The following C5orf34 variants were observed in gnomAD, a reference collection of about 807,000 sequenced individuals.
C5orf34 encodes the protein chromosome 5 open reading frame 34, also known as uncharacterized protein C5orf34.
Under a neutral mutation model 78.4 loss-of-function variants are expected in C5orf34, and 73 were observed. That is an observed-to-expected ratio of 0.93 (90% CI 0.77 to 1.13). The LOEUF is 1.13. Among genes scored for constraint, C5orf34 ranks in the 50% most tolerant of loss-of-function variants. The pLI, the probability that C5orf34 is intolerant of heterozygous loss-of-function variation, is 0.00. For missense variants in C5orf34, 730 were observed against 732.7 expected (o/e 1.00, Z 0.04); for synonymous variants, 251 against 246.6 (o/e 1.02, Z -0.17).
intron 1 of C5orf34, among the ~76,000 whole-genome samples, chr5:43,513,741 T>C (rs1463729822): frequency 6.6e-6 from 1 of 152,218 alleles, no homozygotes; most frequent in Admixed American, 6.5e-5. Context: ...TGGTTCTTTA[T>C]CATCATCAAG....
At position 43,508,670 on chromosome 5, in the gene C5orf34, T is replaced by C; in HGVS notation, c.196-4A>G. Reference sequence around the variant, plus strand: ...CTAGGGCTCGCTGTAGTTGCTCCTATGAAAAGAAATATAAAATGTAACCTT... The same window carrying C: ...CTAGGGCTCGCTGTAGTTGCTCCTACGAAAAGAAATATAAAATGTAACCTT... On this transcript the variant is annotated splice_polypyrimidine_tract_variant and splice_region_variant and intron_variant, in intron 2 of 12. Coordinates refer to ENST00000306862, the MANE Select transcript of C5orf34 (RefSeq NM_198566.4). 1.3e-6 allele frequency: 2 copies of C among 1,544,600 alleles called. No individual in the cohort carries two copies. Among genetic ancestry groups the C allele is most frequent in the Non-Finnish European group, 1.8e-6 (2 of 1,119,554 alleles).
In C5orf34 at chr5:43,491,069, A is replaced by G. The variant is rs1745260685; in HGVS notation, c.1581-340T>C. Among the ~76,000 whole-genome samples, 5 of 152,194 alleles carry G rather than the reference A, an allele frequency of 3.3e-5. 1 individual carries two copies. In the South Asian group the frequency reaches 1.0e-3, roughly 31 times the overall value. On this transcript the variant is annotated intron_variant, in intron 10 of 12. Transcript: ENST00000306862. Reference sequence around the variant, plus strand: ...TCAAAGTAAAATGCGTTTAAGTTTTATCAAAAAATATTCACACAAAATAAG... The same window carrying G: ...TCAAAGTAAAATGCGTTTAAGTTTTGTCAAAAAATATTCACACAAAATAAG...
In C5orf34 at chr5:43,492,849, C is replaced by G. The variant is rs374353571; in HGVS notation, c.1356G>C (p.Leu452Phe). ...CCACACTGGGTATGAGTGACTCTTT[C>G]AAAACCAAAGGCAGTATATTGCTAT... Reference protein sequence around the residue: ...INDSNILPLVLKESLIPSVGR... With the variant: ...INDSNILPLVFKESLIPSVGR... The change falls in exon 9 of 13, where the codon TTG becomes TTC. Residue 452 changes from leucine (L) to phenylalanine (F), a missense_variant. By Grantham distance (22) the Leu-to-Phe change is conservative. Transcript: ENST00000306862. 1 of 1,610,714 alleles carries G rather than the reference C, an allele frequency of 6.2e-7. No homozygotes were observed. The highest frequency in any genetic ancestry group is 1.3e-5 in the African/African-American group (1 of 74,918).
intron 6 of C5orf34, among the ~76,000 whole-genome samples, chr5:43,498,602 G>A (rs911015139): frequency 7.2e-5 from 11 of 152,078 alleles, no homozygotes; most frequent in African/African-American, 9.7e-5. Flanking sequence ...CATCCTCAGC[G>A]TCCAGTCAGC....
chr5:43,505,087 A>G (rs1412340710), intron 4 of C5orf34, among the ~76,000 whole-genome samples: 1 of 152,248 alleles, frequency 6.6e-6, no homozygotes, highest in Non-Finnish European at 1.5e-5. Flanking sequence ...GTGAAGTCCA[A>G]CAGTACCTGG....
chr5:43,500,260 G>C (rs567130958), intron 6 of C5orf34, among the ~76,000 whole-genome samples: 2 of 151,866 alleles, frequency 1.3e-5, no homozygotes. Context: ...TCTTTTCTAT[G>C]GCTAAATCCA....
intron 6 of C5orf34, among the ~76,000 whole-genome samples, chr5:43,496,780 C>G (rs921609987): frequency 6.6e-6 from 1 of 151,580 alleles, no homozygotes; most frequent in Admixed American, 6.6e-5. Context: ...GAGGCGAGGT[C>G]TTACTATATT....
At chr5:43,495,561 T>C in intron 6 of C5orf34, 1 of 1,612,366 alleles carries the variant, frequency 6.2e-7, no homozygotes, top group Non-Finnish European at 8.5e-7. Flanking sequence ...AGAGCTTCAC[T>C]CAAAGCTTCA....
At chr5:43,490,479 A>C in intron 11 of C5orf34, 152 bp downstream of exon 11, 1 of 530,280 alleles carries the variant, frequency 1.9e-6, no homozygotes, top group Non-Finnish European at 3.4e-6. Context: ...ATTATTTTCA[A>C]GCTTAAGCTA....
chr5:43,497,069 A>G (rs1745562170), intron 6 of C5orf34, among the ~76,000 whole-genome samples: 1 of 152,194 alleles, frequency 6.6e-6, no homozygotes, highest in South Asian at 2.1e-4. Flanking sequence ...TGCTACATTA[A>G]TGGAAGAAAT....
At chr5:43,502,522 AT>A (rs768654460) in intron 5 of C5orf34, 27 bp from the exon 6 acceptor site, 21 of 1,437,514 alleles carry the variant, frequency 1.5e-5, no homozygotes, top group South Asian at 2.5e-5. Context: ...ACCATTAAAA[AT>A]TTTTTTCCAC....
At chr5:43,506,798 A>G (rs1746001366) in intron 3 of C5orf34, among the ~76,000 whole-genome samples, 1 of 152,096 alleles carries the variant, frequency 6.6e-6, no homozygotes, top group Non-Finnish European at 1.5e-5. Context: ...ATCATAGCTA[A>G]AAATTTTTCT....
At position 43,506,018 on chromosome 5, in the gene C5orf34, C is replaced by T. The variant is rs754012818; in HGVS notation, c.662G>A (p.Arg221Lys). 6 of 1,614,074 alleles carry T rather than the reference C, an allele frequency of 3.7e-6. No homozygotes were observed. In the East Asian group the frequency reaches 1.3e-4, roughly 36 times the overall value. Reference sequence around the variant, plus strand: ...TGTACCAGGCGAAGGCAGCTCTTCCCTCCCTTCAGTTCCATTTACACAACT... The same window carrying T: ...TGTACCAGGCGAAGGCAGCTCTTCCTTCCCTTCAGTTCCATTTACACAACT... ...KMSCVNGTEG[R>K]EELPSPGTKH... is the part of the protein sequence containing the mutation. The change falls in exon 4 of 13, where the codon AGG becomes AAG. Residue 221 changes from arginine to lysine, a missense_variant. By Grantham distance (26) the Arg-to-Lys change is conservative (BLOSUM62 2). Transcript: ENST00000306862.
chr5:43,493,577 A>G lies in C5orf34; in HGVS notation c.1280T>C (p.Leu427Ser). 6.3e-7 allele frequency: 1 copy of G among 1,581,920 alleles called. No homozygotes were observed. The highest frequency in any genetic ancestry group is 8.6e-7 in the Non-Finnish European group (1 of 1,161,756). ...GCAGCATATACGATAGTTATGGCTT[A>G]AAGAAAGTCTCATCTTCACACAATG... ...LQHCVKMRLS[L>S]SHNYRICCWK... Residue 427 changes from leucine (L) to serine (S), a missense_variant, in exon 8 of 13, where the codon TTA (leucine) becomes TCA (serine). Transcript: ENST00000306862.
intron 1 of C5orf34, among the ~76,000 whole-genome samples, chr5:43,509,706 G>T (rs1050301838): frequency 6.6e-6 from 1 of 152,038 alleles, no homozygotes; most frequent in African/African-American, 2.4e-5. Context: ...ACTTCTAGAA[G>T]TTTACTCCAA....
intron 3 of C5orf34, among the ~76,000 whole-genome samples, chr5:43,507,364 C>G (rs1037860215): frequency 1.3e-5 from 2 of 152,180 alleles, no homozygotes; most frequent in African/African-American, 4.8e-5. Context: ...ACCATGCTAT[C>G]TATATGTACG....
At chr5:43,513,917 T>C (rs370993223) in intron 1 of C5orf34, among the ~76,000 whole-genome samples, 6 of 152,380 alleles carry the variant, frequency 3.9e-5, no homozygotes, top group African/African-American at 1.4e-4. Flanking sequence ...CACTAGGATA[T>C]AAAGTCAACC....
At chr5:43,506,418 CG>C (rs748191140) in intron 3 of C5orf34, 24 bp from the exon 4 acceptor site, 2 of 1,557,000 alleles carry the variant, frequency 1.3e-6, no homozygotes, top group East Asian at 4.5e-5. Context: ...GGAAAAGAGA[CG>C]GTGAGTATTT....
chr5:43,502,267 G>A, intron 6 of C5orf34, 105 bp downstream of exon 6: 1 of 1,109,762 alleles, frequency 9.0e-7, no homozygotes, highest in South Asian at 1.3e-5. Flanking sequence ...CTGGGGAGTA[G>A]GAAGCAATGT....
Sources: gnomAD v4.1 joint callset for allele counts (sites outside exome capture counted in the v4.1 genomes callset) on GRCh38, gnomAD v4.1.1 for gene constraint, MANE v1.5 for transcripts, NCBI Gene and HGNC (gene_info 2026-07-23, HGNC 2026-07-21) for gene names.